The following LKAAEAR1 variants were observed in gnomAD, a reference collection of about 807,000 sequenced individuals.
LKAAEAR1 encodes the protein LKAAEAR motif containing 1.
LKAAEAR1 carries 19 observed loss-of-function variants against 16.5 expected under a neutral mutation model. That is an observed-to-expected ratio of 1.15 (90% confidence interval 0.80 to 1.69). LKAAEAR1 has a LOEUF of 1.69. LKAAEAR1 is among the 40% of genes most tolerant of loss of function. The probability of loss-of-function intolerance (pLI) is 0.00; values close to 1 mark genes in which losing one functional copy is unlikely to be tolerated. For missense variants in LKAAEAR1, 304 were observed against 315.8 expected (o/e 0.96, Z 0.28); for synonymous variants, 124 against 152.7 (o/e 0.81, Z 1.39).
rs1452520110 is a variant in LKAAEAR1 at position 64,083,463 on chromosome 20, T to C, written c.557A>G (p.Asn186Ser). ...RRRVETILEE[N>S]VDGTIFPR is the part of the protein sequence containing the mutation. ...CCGCGGGAAGATGGTGCCATCCACG[T>C]TCTCCTCCAGGATGGTCTCCACGCG... The change falls in exon 3 of 3, where the codon AAC (asparagine) becomes AGC (serine). Residue 186 changes from asparagine to serine, a missense_variant. Physicochemically the swap from Asn to Ser is conservative, Grantham distance 46 (BLOSUM62 1). Transcript: ENST00000302096. The surrounding 1 kb of genome is among the most constrained non-coding windows in gnomAD (Gnocchi z 4.9). The C allele has an allele frequency of 6.2e-7, 1 of 1,608,364 alleles. No individual in the cohort carries two copies. Among genetic ancestry groups the C allele is most frequent in the South Asian group, 1.1e-5 (1 of 90,604 alleles).
At position 64,083,487 on chromosome 20, in the gene LKAAEAR1, C is replaced by A; in HGVS notation, c.533G>T (p.Arg178Leu). Residue 178 changes from arginine to leucine, a missense_variant, in exon 3 of 3, where the codon CGC becomes CTC. Physicochemically the swap from Arg to Leu is moderately radical, Grantham distance 102. Coordinates refer to ENST00000302096, the MANE Select transcript of LKAAEAR1 (RefSeq NM_001353425.2). This position sits in a 1 kb window ranked among gnomAD's most constrained non-coding sequence, Gnocchi z 4.9. ...GTTCTCCTCCAGGATGGTCTCCACG[C>A]GCCTCCGCTGCCGGGGAGAGAGGCT... ...PDPLDRQERR[R>L]VETILEENVD... The A allele has an allele frequency of 6.3e-7, 1 of 1,594,550 alleles. No individual in the cohort carries two copies. The highest frequency in any genetic ancestry group is 8.5e-7 in the Non-Finnish European group (1 of 1,171,736).
At position 64,084,197 on chromosome 20, in the gene LKAAEAR1, C is replaced by T; in HGVS notation, c.23G>A (p.Gly8Asp). Residue 8 changes from glycine to aspartate, a missense_variant, in exon 1 of 3, where the codon GGC (glycine) becomes GAC (aspartate). Transcript: ENST00000302096. Reference protein sequence around the residue: MPPPAKEGGRKGPRERSG... With the variant: MPPPAKEDGRKGPRERSG... ...TCGCTCCCGCGGGCCCTTGCGCCCG[C>T]CCTCCTTCGCTGGCGGCGGCATCCT... 7.0e-7 allele frequency: 1 copy of T among 1,430,544 alleles called. No homozygotes were observed. The highest frequency in any genetic ancestry group is 1.4e-5 in the South Asian group (1 of 70,862). 88.6% of individuals were successfully genotyped at this position (1,430,544 alleles called of 1,614,324 possible).
rs2059999405 is a variant in LKAAEAR1 at position 64,083,716 on chromosome 20, C to G, written c.403-11G>C. 1.2e-5 allele frequency: 16 copies of G among 1,363,240 alleles called. No individual in the cohort carries two copies. The South Asian group carries it at 1.4e-4, about 12-fold the overall frequency. The allele number at this position is 1,363,240 out of a possible 1,614,324, so 84.4% of individuals were successfully genotyped here. A position where few individuals can be genotyped will look rare whatever the true frequency, so the allele number is the denominator to read the frequency against. Reference sequence around the variant, plus strand: ...CGCGATCTCCTCGGCCTGCGGGGCCCGGGTAGCTGAGCGCGCGCCGAGCCC... The same window carrying G: ...CGCGATCTCCTCGGCCTGCGGGGCCGGGGTAGCTGAGCGCGCGCCGAGCCC... On this transcript the variant is annotated splice_polypyrimidine_tract_variant and intron_variant, in intron 1 of 2. Coordinates refer to ENST00000302096, the MANE Select transcript of LKAAEAR1 (RefSeq NM_001353425.2). This position sits in a 1 kb window ranked among gnomAD's most constrained non-coding sequence, Gnocchi z 4.9.
Position 64,084,119 on chromosome 20 carries a change from G to C in LKAAEAR1, c.101C>G (p.Ala34Gly). Residue 34 changes from alanine (A) to glycine (G), a missense_variant, in exon 1 of 3, where the codon GCG becomes GGG. Transcript: ENST00000302096. ...CGGCTTGGGGGGCTCTGTCGCGGGC[G>C]CCCCCTTGGCACGCTCCTCACCCTG... Reference protein sequence around the residue: ...TAQGEERAKGAPATEPPKPGW... With the variant: ...TAQGEERAKGGPATEPPKPGW... The C allele has an allele frequency of 6.8e-7, 1 of 1,470,230 alleles. No homozygotes were observed. Among genetic ancestry groups the C allele is most frequent in the African/African-American group, 1.5e-5 (1 of 68,194 alleles). 91.1% of individuals were successfully genotyped at this position (1,470,230 alleles called of 1,614,324 possible).
chr20:64,084,756 T>G (rs2060024048), upstream of LKAAEAR1, among the ~76,000 whole-genome samples: 1 of 152,182 alleles, frequency 6.6e-6, no homozygotes, highest in Non-Finnish European at 1.5e-5. Flanking sequence ...GGCTCCTCCC[T>G]TCCCGGCCCC....
At chr20:64,084,404 G>T (rs1348000615), upstream of LKAAEAR1, 7 of 1,269,750 alleles carry the variant, frequency 5.5e-6, no homozygotes, top group Non-Finnish European at 6.9e-6. Context: ...TCTCCCAAGC[G>T]CACGTCCCCA....
chr20:64,084,456 A>G (rs1388488030), upstream of LKAAEAR1: 53 of 1,066,086 alleles, frequency 5.0e-5, no homozygotes, highest in East Asian at 7.0e-5. Flanking sequence ...CCTGCAGTCA[A>G]CTAGGACTTT....
chr20:64,084,305 G>C lies in LKAAEAR1; in HGVS notation c.-86C>G, dbSNP rs950595241. The C allele has an allele frequency of 1.0e-5, 13 of 1,299,030 alleles. No individual in the cohort carries two copies. The African/African-American group carries it at 1.9e-4, about 19-fold the overall frequency. 80.5% of individuals were successfully genotyped at this position (1,299,030 alleles called of 1,614,324 possible). On this transcript the variant is annotated 5_prime_UTR_variant, in exon 1 of 3. Coordinates refer to ENST00000302096, the MANE Select transcript of LKAAEAR1 (RefSeq NM_001353425.2). ...GCCCGCCCCTCGGCAGGGCCCCAAC[G>C]TGCGCCCCAGCTCCCGCCCGCTGGG...
chr20:64,083,878 G>A lies in LKAAEAR1; in HGVS notation c.342C>T (p.Leu114=). Residue 114 remains leucine (L), a synonymous_variant, in exon 1 of 3, where the codon CTC becomes CTT. Coordinates refer to ENST00000302096, the MANE Select transcript of LKAAEAR1 (RefSeq NM_001353425.2). This position sits in a 1 kb window ranked among gnomAD's most constrained non-coding sequence, Gnocchi z 4.9. ...CTCGCCCGCGGGCCTCCGCTGCCTT[G>A]AGGACGCCGAGGAGCCGGTTCTGGC... The part of the protein sequence containing the change: ...AERQNRLLGV[L]KAAEARGRVR... 7.0e-7 allele frequency: 1 copy of A among 1,436,736 alleles called. No individual in the cohort carries two copies. The highest frequency in any genetic ancestry group is 9.1e-7 in the Non-Finnish European group (1 of 1,102,088). The allele number at this position is 1,436,736 out of a possible 1,614,324, so 89.0% of individuals were successfully genotyped here.
At position 64,083,804 on chromosome 20, in the gene LKAAEAR1, C is replaced by T; in HGVS notation, c.402+14G>A. 1 of 1,345,070 alleles carries T rather than the reference C, an allele frequency of 7.4e-7. No individual in the cohort carries two copies. The highest frequency in any genetic ancestry group is 9.5e-7 in the Non-Finnish European group (1 of 1,054,676). 83.3% of individuals were successfully genotyped at this position (1,345,070 alleles called of 1,614,324 possible). On this transcript the variant is annotated intron_variant, in intron 1 of 2. Coordinates refer to ENST00000302096, the MANE Select transcript of LKAAEAR1 (RefSeq NM_001353425.2). This position sits in a 1 kb window ranked among gnomAD's most constrained non-coding sequence, Gnocchi z 4.9. ...CCGGTGCGCCCCCTCTGCCCTCCGA[C>T]CCCCTCGCCTCACCCGCATGCGGGT...
upstream of LKAAEAR1, among the ~76,000 whole-genome samples, chr20:64,084,701 C>T (rs1358731863): frequency 6.6e-6 from 1 of 152,150 alleles, no homozygotes; most frequent in Non-Finnish European, 1.5e-5. Flanking sequence ...GGGAGCAGAG[C>T]CTAGAGGGCA....
chr20:64,083,412 G>T lies in LKAAEAR1; in HGVS notation c.*23C>A, dbSNP rs781361402. ...ATAACTTTATGTGGGAGGCTGGGGC[G>T]CGTCGCACACTCTCAGTCGCCGTCA... On this transcript the variant is annotated 3_prime_UTR_variant, in exon 3 of 3. Coordinates refer to ENST00000302096, the MANE Select transcript of LKAAEAR1 (RefSeq NM_001353425.2). This position sits in a 1 kb window ranked among gnomAD's most constrained non-coding sequence, Gnocchi z 4.9. 7 of 1,611,724 alleles carry T rather than the reference G, an allele frequency of 4.3e-6. No homozygotes were observed. Among genetic ancestry groups the T allele is most frequent in the Non-Finnish European group, 5.1e-6 (6 of 1,179,592 alleles).
Position 64,083,787 on chromosome 20 carries a change from C to T in LKAAEAR1, c.402+31G>A, listed in dbSNP as rs1357227052. ...GGCTCCGCTCAACGCTCCCGGTGCGCCCCCTCTGCCCTCCGACCCCCTCGC... is the reference window on the plus strand; with the variant it reads ...GGCTCCGCTCAACGCTCCCGGTGCGTCCCCTCTGCCCTCCGACCCCCTCGC... On this transcript the variant is annotated intron_variant, in intron 1 of 2. Transcript: ENST00000302096. This position sits in a 1 kb window ranked among gnomAD's most constrained non-coding sequence, Gnocchi z 4.9. The T allele has an allele frequency of 3.0e-6, 4 of 1,334,276 alleles. No homozygotes were observed. The highest frequency in any genetic ancestry group is 4.1e-5 in the Admixed American group (1 of 24,110). The allele number at this position is 1,334,276 out of a possible 1,614,324, so 82.7% of individuals were successfully genotyped here. A position where few individuals can be genotyped will look rare whatever the true frequency, so the allele number is the denominator to read the frequency against.
chr20:64,083,663 G>A lies in LKAAEAR1; in HGVS notation c.445C>T (p.Arg149Cys). The change falls in exon 2 of 3, where the codon CGC (arginine) becomes TGC (cysteine). Residue 149 changes from arginine (R) to cysteine (C), a missense_variant. Coordinates refer to ENST00000302096, the MANE Select transcript of LKAAEAR1 (RefSeq NM_001353425.2). This position sits in a 1 kb window ranked among gnomAD's most constrained non-coding sequence, Gnocchi z 4.9. ...ALLIQRQKSA[R>C]AAIRLELFLP... ...AACAGCTCCAGCCGGATGGCGGCGC[G>A]CGCGGACTTCTGCCGCTGGATGAGC... The A allele has an allele frequency of 7.0e-7, 1 of 1,436,630 alleles. No homozygotes were observed. The highest frequency in any genetic ancestry group is 9.1e-7 in the Non-Finnish European group (1 of 1,101,588). The allele number at this position is 1,436,630 out of a possible 1,614,324, so 89.0% of individuals were successfully genotyped here. A position where few individuals can be genotyped will look rare whatever the true frequency, so the allele number is the denominator to read the frequency against.
Position 64,083,945 on chromosome 20 carries a change from T to A in LKAAEAR1, c.275A>T (p.Asp92Val). ...GAGCGACTGCGTCCACGGGCGCGGG[T>A]CGGGCATGCGGTACCCCGGTTCCAC... ...GSVEPGYRMPDPRPWTQSLEL... is the reference protein window; with the variant it reads ...GSVEPGYRMPVPRPWTQSLEL... The change falls in exon 1 of 3, where the codon GAC (aspartate) becomes GTC (valine). Residue 92 changes from aspartate to valine, a missense_variant. Asp to Val is a radical substitution (Grantham distance 152). Transcript: ENST00000302096. This position sits in a 1 kb window ranked among gnomAD's most constrained non-coding sequence, Gnocchi z 4.9. 1 of 1,459,460 alleles carries A rather than the reference T, an allele frequency of 6.9e-7. No individual in the cohort carries two copies. Among genetic ancestry groups the A allele is most frequent in the Admixed American group, 2.5e-5 (1 of 40,494 alleles). 90.4% of individuals were successfully genotyped at this position (1,459,460 alleles called of 1,614,324 possible).
upstream of LKAAEAR1, among the ~76,000 whole-genome samples, chr20:64,084,828 G>A (rs2060024930): frequency 6.6e-6 from 1 of 152,204 alleles, no homozygotes; most frequent in South Asian, 2.1e-4. Context: ...GCAGAGCCAC[G>A]GCCAGCCCCA....
In LKAAEAR1 at chr20:64,084,309, G is replaced by A; in HGVS notation, c.-90C>T. On this transcript the variant is annotated 5_prime_UTR_variant, in exon 1 of 3. Coordinates refer to ENST00000302096, the MANE Select transcript of LKAAEAR1 (RefSeq NM_001353425.2). ...GCCCCTCGGCAGGGCCCCAACGTGC[G>A]CCCCAGCTCCCGCCCGCTGGGCTCT... The A allele has an allele frequency of 7.7e-7, 1 of 1,294,816 alleles. No homozygotes were observed. The highest frequency in any genetic ancestry group is 2.3e-5 in the South Asian group (1 of 43,304). 80.2% of individuals were successfully genotyped at this position (1,294,816 alleles called of 1,614,324 possible).
Sources: gnomAD v4.1 joint callset for allele counts (sites outside exome capture counted in the v4.1 genomes callset) on GRCh38, gnomAD v4.1.1 for gene constraint, Gnocchi (gnomAD v3.1) non-coding constraint, MANE v1.5 for transcripts, NCBI Gene and HGNC (gene_info 2026-07-23, HGNC 2026-07-21) for gene names.